The following IGSF9B variants were observed in gnomAD, a reference collection of about 807,000 sequenced individuals.
IGSF9B encodes immunoglobulin superfamily member 9B, also known as protein turtle homolog B.
A neutral mutation model predicts 143.7 loss-of-function variants in IGSF9B; 48 were observed. That is an observed-to-expected ratio of 0.33 (90% confidence interval 0.26 to 0.42). The LOEUF (loss-of-function observed/expected upper bound fraction) is 0.42. Among genes scored for constraint, IGSF9B ranks in the 20% least tolerant of loss-of-function variants. IGSF9B has a pLI of 1.00. For synonymous variants in IGSF9B, 903 were observed against 833.1 expected (o/e 1.08, Z -1.44); for missense variants, 1,706 against 1,980.0 (o/e 0.86, Z 2.63).
intron 8 of IGSF9B, 43 bp downstream of exon 8, chr11:133,932,028 G>A: frequency 1.3e-6 from 2 of 1,586,736 alleles, no homozygotes; most frequent in East Asian, 4.5e-5. Context: ...ACAGTACTGG[G>A]GGGAGCCCTC....
Position 133,931,236 on chromosome 11 carries a change from C to A in IGSF9B, c.1369-102G>T. On this transcript the variant is annotated intron_variant, in intron 10 of 19. Coordinates refer to ENST00000533871, the MANE Select transcript of IGSF9B (RefSeq NM_001277285.4). This position sits in a 1 kb window ranked among gnomAD's most constrained non-coding sequence, Gnocchi z 7.7. ...GACGCGCCTGAGACCCCGGCCCGCCCACGCTGCCCTCCTCCCGAGTGCCTG... is the reference window on the plus strand; with the variant it reads ...GACGCGCCTGAGACCCCGGCCCGCCAACGCTGCCCTCCTCCCGAGTGCCTG... The A allele has an allele frequency of 8.1e-7, 1 of 1,233,800 alleles. No individual in the cohort carries two copies. The allele number at this position is 1,233,800 out of a possible 1,614,324, so 76.4% of individuals were successfully genotyped here.
rs747824828 is a variant in IGSF9B, at chr11:133,926,979, C to G, written c.1744G>C (p.Val582Leu). Residue 582 changes from valine (V) to leucine (L), a missense_variant, in exon 13 of 20, where the codon GTC becomes CTC. Val to Leu is a conservative substitution (Grantham distance 32). This residue lies in a region of IGSF9B where 267 missense variants were observed against 321.1 expected (regional missense o/e 0.83). Transcript: ENST00000533871. ...LEPETAYQFS[V>L]LAQNKLGTSA... ...GTTCCCAGCTTGTTCTGGGCCAGGA[C>G]GCTGAACTGGTACGCTGTCTCAGGC... 2.5e-6 allele frequency: 4 copies of G among 1,593,862 alleles called. No individual in the cohort carries two copies. The Admixed American group carries it at 5.2e-5, about 21-fold the overall frequency.
rs887237956 is a variant in IGSF9B at position 133,902,684 on chromosome 11, CAT to C, written c.*6383_*6384del. Among the ~76,000 whole-genome samples the C allele has an allele frequency of 3.3e-5, 5 of 152,196 alleles. No individual in the cohort carries two copies. Among genetic ancestry groups the C allele is most frequent in the South Asian group, 2.1e-4 (1 of 4,828 alleles). ...ACAACCTGGTGCCTGCAGAAGGACA[CAT>C]GAGACAATCCCTTCTCCAGCCCTGC... is the stretch of plus-strand genomic sequence containing the variant. On this transcript the variant is annotated 3_prime_UTR_variant, in exon 20 of 20. Transcript: ENST00000533871.
rs1939739156 is a variant in IGSF9B at position 133,931,956 on chromosome 11, G to T, written c.1110+115C>A. 2.0e-6 allele frequency: 3 copies of T among 1,497,026 alleles called. No homozygotes were observed. The highest frequency in any genetic ancestry group is 2.7e-6 in the Non-Finnish European group (3 of 1,113,684). The allele number at this position is 1,497,026 out of a possible 1,614,324, so 92.7% of individuals were successfully genotyped here. ...CCCCTACAGAAGCAGCTCTCTGTTT[G>T]CCCAGGGCTTTTGGAAGGGGCCAGG... is the stretch of plus-strand genomic sequence containing the variant. On this transcript the variant is annotated intron_variant, in intron 8 of 19. Transcript: ENST00000533871. This position sits in a 1 kb window ranked among gnomAD's most constrained non-coding sequence, Gnocchi z 7.7.
intron 17 of IGSF9B, 52 bp from the exon 18 acceptor site, chr11:133,921,449 C>G (rs1028350794): frequency 7.3e-7 from 1 of 1,368,840 alleles, no homozygotes; most frequent in Admixed American, 2.8e-5. Context: ...AGTGTGCTGG[C>G]CAGGACTTCC....
In IGSF9B at chr11:133,920,524, G is replaced by A. The variant is rs777801860; in HGVS notation, c.3201C>T (p.Pro1067=). The A allele has an allele frequency of 1.4e-5, 22 of 1,607,214 alleles. No individual in the cohort carries two copies. The highest frequency in any genetic ancestry group is 5.0e-5 in the Admixed American group (3 of 59,596). ...GGCCGGCCTTGGGCTGCAGACTCTCGGGCACATCACAGGGTGGCAGCTGGT... is the reference window on the plus strand; with the variant it reads ...GGCCGGCCTTGGGCTGCAGACTCTCAGGCACATCACAGGGTGGCAGCTGGT... ...FPHQLPPCDV[P]ESLQPKAGLP... The change falls in exon 18 of 20, where the codon CCC becomes CCT. Residue 1067 remains proline, a synonymous_variant. Coordinates refer to ENST00000533871, the MANE Select transcript of IGSF9B (RefSeq NM_001277285.4).
rs1345131284 is a variant in IGSF9B at position 133,897,577 on chromosome 11, G to GT, written c.*11491dup. ...GCATTCCCAGGCTTTTGAGAAGAGG[G>GT]TGATAGAGCAGGGAGCTCCTCACAG... is the stretch of plus-strand genomic sequence containing the variant. On this transcript the variant is annotated 3_prime_UTR_variant, in exon 20 of 20. Transcript: ENST00000533871. The GT allele has an allele frequency of 6.6e-6, 1 of 152,152 alleles. No homozygotes were observed. Among genetic ancestry groups the GT allele is most frequent in the Non-Finnish European group, 1.5e-5 (1 of 68,062 alleles). The allele number at this position is 152,152 out of a possible 1,614,324, so 9.4% of individuals were successfully genotyped here.
chr11:133,902,244 TCAA>T lies in IGSF9B; in HGVS notation c.*6822_*6824del, dbSNP rs1465516950. On this transcript the variant is annotated 3_prime_UTR_variant, in exon 20 of 20. Transcript: ENST00000533871. ...GCAACATACACACACCAAACCACAC[TCAA>T]CACACCACACACACTGCATCACACA... Among the ~76,000 whole-genome samples, 2 of 96,696 alleles carry T rather than the reference TCAA, an allele frequency of 2.1e-5. No homozygotes were observed. Among genetic ancestry groups the T allele is most frequent in the Non-Finnish European group, 4.2e-5 (2 of 47,880 alleles). 63.4% of individuals were successfully genotyped at this position (96,696 alleles called of 152,430 possible).
chr11:133,944,201 C>T lies in IGSF9B; in HGVS notation c.409+19G>A. On this transcript the variant is annotated intron_variant, in intron 3 of 19. Transcript: ENST00000533871. ...ACCGTTGATGGTGAGGTGGACCCAC[C>T]CTGGAAGCCGTCACTCACCGTTGAT... is the stretch of plus-strand genomic sequence containing the variant. 3 of 1,582,304 alleles carry T rather than the reference C, an allele frequency of 1.9e-6. No homozygotes were observed. Among genetic ancestry groups the T allele is most frequent in the Non-Finnish European group, 2.6e-6 (3 of 1,162,346 alleles).
At chr11:133,956,220 C>T (rs1329207299) in intron 1 of IGSF9B, among the ~76,000 whole-genome samples, 1 of 152,136 alleles carries the variant, frequency 6.6e-6, no homozygotes, top group Non-Finnish European at 1.5e-5. Context: ...GCGGGTGCCG[C>T]CAGTCCCAGG....
intron 18 of IGSF9B, among the ~76,000 whole-genome samples, chr11:133,917,639 C>T (rs936936048): frequency 1.4e-4 from 21 of 152,078 alleles, no homozygotes; most frequent in African/African-American, 4.6e-4. Flanking sequence ...GATGACATTT[C>T]GCTACAAAGC....
intron 11 of IGSF9B, among the ~76,000 whole-genome samples, chr11:133,930,637 G>A (rs759729162): frequency 4.6e-5 from 7 of 152,074 alleles, no homozygotes; most frequent in Non-Finnish European, 8.8e-5. Flanking sequence ...CACAGTCCCC[G>A]TCTCCCTCAT....
At chr11:133,943,833 C>T (rs1306858268) in intron 3 of IGSF9B, among the ~76,000 whole-genome samples, 1 of 152,146 alleles carries the variant, frequency 6.6e-6, no homozygotes, top group African/African-American at 2.4e-5. Context: ...ACTCTGGGAC[C>T]CCAGGAACTC....
At chr11:133,942,416 A>C (rs1939968831) in intron 3 of IGSF9B, among the ~76,000 whole-genome samples, 1 of 152,202 alleles carries the variant, frequency 6.6e-6, no homozygotes, top group Non-Finnish European at 1.5e-5. Context: ...TCCCACTCAA[A>C]GCAATTAGGA....
chr11:133,951,496 G>A (rs981880660), intron 1 of IGSF9B, among the ~76,000 whole-genome samples: 3 of 152,256 alleles, frequency 2.0e-5, no homozygotes, highest in African/African-American at 7.2e-5. Context: ...CTCCGGCCCT[G>A]AGCCTTCTCG....
In IGSF9B at chr11:133,956,721, C is replaced by A; in HGVS notation, c.34G>T (p.Val12Leu). Residue 12 changes from valine (V) to leucine (L), a missense_variant, in exon 1 of 20, where the codon GTG (valine) becomes TTG (leucine). Around this residue, in one of 7 missense-constraint regions of IGSF9B, gnomAD observed 171 missense variants for 213.9 expected, o/e 0.80. Coordinates refer to ENST00000533871, the MANE Select transcript of IGSF9B (RefSeq NM_001277285.4). ...GCCGCAAGCCCTCGGGTGCCGATCA[C>A]ACTTGCTATGAAAGTGGCCACATAC... ...IWYVATFIAS[V>L]IGTRGLAAEG... is the part of the protein sequence containing the mutation. 1 of 1,547,526 alleles carries A rather than the reference C, an allele frequency of 6.5e-7. No homozygotes were observed. Among genetic ancestry groups the A allele is most frequent in the Non-Finnish European group, 8.7e-7 (1 of 1,148,728 alleles).
intron 18 of IGSF9B, among the ~76,000 whole-genome samples, chr11:133,916,566 G>A (rs1173008401): frequency 6.6e-6 from 1 of 152,186 alleles, no homozygotes; most frequent in Admixed American, 6.5e-5. Context: ...TCCTAGGCTG[G>A]GGATGCTGGC....
Position 133,931,244 on chromosome 11 carries a change from C to G in IGSF9B, c.1369-110G>C. On this transcript the variant is annotated intron_variant, in intron 10 of 19. Transcript: ENST00000533871. This position sits in a 1 kb window ranked among gnomAD's most constrained non-coding sequence, Gnocchi z 7.7. ...TGAGACCCCGGCCCGCCCACGCTGC[C>G]CTCCTCCCGAGTGCCTGCCGCTCTT... The G allele has an allele frequency of 4.3e-6, 5 of 1,171,136 alleles. No individual in the cohort carries two copies. The Admixed American group carries it at 1.0e-4, about 24-fold the overall frequency. 72.5% of individuals were successfully genotyped at this position (1,171,136 alleles called of 1,614,324 possible).
chr11:133,935,582 C>A (rs761131345), intron 7 of IGSF9B, 35 bp downstream of exon 7: 1 of 1,587,582 alleles, frequency 6.3e-7, no homozygotes, highest in Non-Finnish European at 8.6e-7. Flanking sequence ...CTTCTGGGAG[C>A]CCCACCACCC....
Sources: allele counts gnomAD v4.1 joint callset (sites outside exome capture counted in the v4.1 genomes callset), GRCh38; gene constraint gnomAD v4.1.1; regional missense constraint gnomAD v4.1.1; non-coding constraint Gnocchi (gnomAD v3.1); transcripts MANE v1.5; gene names NCBI Gene and HGNC (gene_info 2026-07-23, HGNC 2026-07-21).